MS4A3: variants seen among roughly 807,000 people sequenced by gnomAD.
MS4A3 encodes membrane spanning 4-domains A3, also known as membrane-spanning 4-domains subfamily A member 3.
MS4A3 carries 18 observed loss-of-function variants against 24.7 expected under a neutral mutation model. That is an observed-to-expected ratio of 0.73 (90% CI 0.50 to 1.08). The LOEUF (loss-of-function observed/expected upper bound fraction) is 1.08, where lower values mean the gene tolerates loss of function less well. Ranked by LOEUF, MS4A3 falls within the 50% of genes least tolerant of loss-of-function variation. MS4A3 has a pLI of 0.00. For synonymous variants in MS4A3, 84 were observed against 95.3 expected, an observed-to-expected ratio of 0.88 and a Z score of 0.69; for missense variants, 282 against 251.7, an observed-to-expected ratio of 1.12 and a Z score of -0.82.
intron 1 of MS4A3, among the ~76,000 whole-genome samples, chr11:60,057,723 AAAAT>A (rs1395616436): frequency 7.2e-5 from 11 of 152,254 alleles, no homozygotes; most frequent in East Asian, 5.8e-4. Context: ...GATTTTTTTA[AAAAT>A]AAATAACTGA....
intron 5 of MS4A3, among the ~76,000 whole-genome samples, chr11:60,067,822 C>T (rs527512257): frequency 2.0e-5 from 3 of 150,960 alleles, no homozygotes; most frequent in Non-Finnish European, 1.5e-5. Context: ...CCGAGGCAGG[C>T]GGATCACGAG....
intron 1 of MS4A3, among the ~76,000 whole-genome samples, chr11:60,058,461 C>T (rs899317075): frequency 1.8e-4 from 23 of 125,554 alleles, no homozygotes; most frequent in African/African-American, 7.0e-4. Context: ...GAGCTGAGAT[C>T]GGGCCTCTGC....
At chr11:60,068,895 G>A (rs747466812) in intron 5 of MS4A3, among the ~76,000 whole-genome samples, 23 of 149,444 alleles carry the variant, frequency 1.5e-4, no homozygotes, top group Non-Finnish European at 3.0e-4. Flanking sequence ...GATGTTCCCC[G>A]CCTTGCGTCC....
At chr11:60,060,596 C>T (rs1204900702) in intron 1 of MS4A3, among the ~76,000 whole-genome samples, 1 of 151,872 alleles carries the variant, frequency 6.6e-6, no homozygotes, top group Non-Finnish European at 1.5e-5. Flanking sequence ...ATTTATAAGC[C>T]ATATGAGTTT....
chr11:60,069,758 T>A, intron 6 of MS4A3, 83 bp downstream of exon 6: 2 of 983,344 alleles, frequency 2.0e-6, no homozygotes, highest in Non-Finnish European at 3.2e-6. Context: ...TGCTTAGAAA[T>A]AAACCTTTAT....
Position 60,071,043 on chromosome 11 carries a change from G to A in MS4A3, c.*810G>A, listed in dbSNP as rs1399961929. 2 of 152,148 alleles carry A rather than the reference G, an allele frequency of 1.3e-5. No homozygotes were observed. The highest frequency in any genetic ancestry group is 2.9e-5 in the Non-Finnish European group (2 of 68,028). 9.4% of individuals were successfully genotyped at this position (152,148 alleles called of 1,614,324 possible). ...CTATTTTTCCTCATCTGTAAAATAG[G>A]TGTAATAATAACAACTACTTTGTCG... On this transcript the variant is annotated 3_prime_UTR_variant, in exon 7 of 7. Coordinates refer to ENST00000278865, the MANE Select transcript of MS4A3 (RefSeq NM_006138.5).
chr11:60,070,085 C>T (rs1855450902), intron 6 of MS4A3, 119 bp from the exon 7 acceptor site: 4 of 827,198 alleles, frequency 4.8e-6, no homozygotes, highest in Admixed American at 4.2e-5. Context: ...TGGCATTTGG[C>T]ACAGTAAACA....
Position 60,061,245 on chromosome 11 carries a change from C to G in MS4A3, c.85C>G (p.Leu29Val). 1 of 1,613,914 alleles carries G rather than the reference C, an allele frequency of 6.2e-7. No homozygotes were observed. The highest frequency in any genetic ancestry group is 8.5e-7 in the Non-Finnish European group (1 of 1,179,910). Residue 29 changes from leucine to valine, a missense_variant, in exon 2 of 7, where the codon CTG becomes GTG. By Grantham distance (32) the Leu-to-Val change is conservative. Coordinates refer to ENST00000278865, the MANE Select transcript of MS4A3 (RefSeq NM_006138.5). ...TPGSEAGPEE[L>V]NTSVYQPIDG... The stretch of plus-strand genomic sequence containing the variant: ...AGGCAGTGAGGCGGGACCAGAAGAG[C>G]TGAATACTTCTGTCTACCAGCCCAT...
chr11:60,066,090 A>T (rs1036119876), intron 4 of MS4A3, among the ~76,000 whole-genome samples: 3 of 152,164 alleles, frequency 2.0e-5, no homozygotes, highest in Admixed American at 2.0e-4. Flanking sequence ...CCCAGACCAA[A>T]CACCTTAGAA....
Position 60,059,334 on chromosome 11 carries a change from A to G in MS4A3, c.-15-1812A>G, listed in dbSNP as rs139619459. On this transcript the variant is annotated intron_variant, in intron 1 of 6. Transcript: ENST00000278865. ...TGACAAAAAATTAAGTTATTAGAAAAATGGATCTAGTATATAATTTGTAAC... is the reference window on the plus strand; with the variant it reads ...TGACAAAAAATTAAGTTATTAGAAAGATGGATCTAGTATATAATTTGTAAC... Among the ~76,000 whole-genome samples the G allele has an allele frequency of 2.2e-3, 338 of 152,238 alleles. 3 individuals are homozygous for G. The highest frequency in any genetic ancestry group is 7.9e-3 in the African/African-American group (328 of 41,532).
chr11:60,065,817 T>A (rs1855352431), intron 4 of MS4A3, among the ~76,000 whole-genome samples: 1 of 152,238 alleles, frequency 6.6e-6, no homozygotes, highest in South Asian at 2.1e-4. Flanking sequence ...TCCTTGTCTC[T>A]GACCTTTTAA....
In MS4A3 at chr11:60,070,340, C is replaced by A; in HGVS notation, c.*107C>A. 3 of 857,754 alleles carry A rather than the reference C, an allele frequency of 3.5e-6. No individual in the cohort carries two copies. The highest frequency in any genetic ancestry group is 3.8e-6 in the Non-Finnish European group (2 of 529,950). 53.1% of individuals were successfully genotyped at this position (857,754 alleles called of 1,614,324 possible). A position where few individuals can be genotyped will look rare whatever the true frequency, so the allele number is the denominator to read the frequency against. On this transcript the variant is annotated 3_prime_UTR_variant, in exon 7 of 7. Transcript: ENST00000278865. ...GGAGAACATAAGCCTGCTCGTAAAG[C>A]TCAATCCTTCTATCATGGCACCAAT...
chr11:60,070,365 T>C lies in MS4A3; in HGVS notation c.*132T>C. On this transcript the variant is annotated 3_prime_UTR_variant, in exon 7 of 7. Coordinates refer to ENST00000278865, the MANE Select transcript of MS4A3 (RefSeq NM_006138.5). ...CTCAATCCTTCTATCATGGCACCAATCACAAGAACCTTGGACGTTTGACTG... is the reference window on the plus strand; with the variant it reads ...CTCAATCCTTCTATCATGGCACCAACCACAAGAACCTTGGACGTTTGACTG... The C allele has an allele frequency of 1.4e-6, 1 of 700,880 alleles. No individual in the cohort carries two copies. Among genetic ancestry groups the C allele is most frequent in the South Asian group, 1.9e-5 (1 of 53,314 alleles). 43.4% of individuals were successfully genotyped at this position (700,880 alleles called of 1,614,324 possible).
Position 60,058,975 on chromosome 11 carries a change from G to C in MS4A3, c.-15-2171G>C, listed in dbSNP as rs3809093. On this transcript the variant is annotated intron_variant, in intron 1 of 6. Coordinates refer to ENST00000278865, the MANE Select transcript of MS4A3 (RefSeq NM_006138.5). The stretch of plus-strand genomic sequence containing the variant: ...GGGTTCTGTACAGTGTTGAACACGG[G>C]GGGTTAAGGGTTCCTTGTCATTTCA... Among the ~76,000 whole-genome samples the C allele has an allele frequency of 7.3e-4, 111 of 152,152 alleles. 5 individuals are homozygous for C. The East Asian group carries it at 0.021, about 29-fold the overall frequency.
At chr11:60,062,682 T>C in intron 3 of MS4A3, 77 bp downstream of exon 3, 1 of 1,548,250 alleles carries the variant, frequency 6.5e-7, no homozygotes, top group Non-Finnish European at 8.8e-7. Context: ...GACAAAAATA[T>C]TGTTTGTAGG....
At chr11:60,068,286 C>T (rs1338072588) in intron 5 of MS4A3, among the ~76,000 whole-genome samples, 3 of 137,602 alleles carry the variant, frequency 2.2e-5, no homozygotes, top group African/African-American at 5.4e-5. Context: ...GTCACCCAGG[C>T]TGGAGTGCAG....
In MS4A3 at chr11:60,067,088, C is replaced by A. The variant is rs1197717489; in HGVS notation, c.489C>A (p.Cys163Ter). Residue 163 changes from cysteine (C) to a stop codon, truncating the protein, a stop_gained, in exon 5 of 7, where the codon TGC becomes TGA. Transcript: ENST00000278865. LOFTEE classifies it high-confidence loss of function. ...CHSSSESPDL[C>*]NYMGSISNGM... Reference sequence around the variant, plus strand: ...CTTCATCAGAGTCACCGGACCTATGCAATTACATGGGCTCCATATCAAATG... The same window carrying A: ...CTTCATCAGAGTCACCGGACCTATGAAATTACATGGGCTCCATATCAAATG... The A allele has an allele frequency of 1.2e-6, 2 of 1,607,714 alleles. No homozygotes were observed. The highest frequency in any genetic ancestry group is 2.2e-5 in the South Asian group (2 of 89,654).
chr11:60,061,667 G>C (rs910924955), intron 2 of MS4A3: 5 of 260,918 alleles, frequency 1.9e-5, no homozygotes, highest in African/African-American at 1.1e-4. Flanking sequence ...TATATTAATA[G>C]TAAGACTTCT....
chr11:60,059,337 G>A (rs752649196), intron 1 of MS4A3, among the ~76,000 whole-genome samples: 19 of 151,966 alleles, frequency 1.3e-4, no homozygotes, highest in African/African-American at 4.6e-4. Flanking sequence ...TTAGAAAAAT[G>A]GATCTAGTAT....
Sources: gnomAD v4.1 joint callset for allele counts (sites outside exome capture counted in the v4.1 genomes callset) on GRCh38, gnomAD v4.1.1 for gene constraint, MANE v1.5 for transcripts, NCBI Gene and HGNC (gene_info 2026-07-23, HGNC 2026-07-21) for gene names.